Variants in AP5M1 observed in about 807,000 individuals in gnomAD.
AP5M1 encodes the protein adaptor related protein complex 5 subunit mu 1.
In AP5M1, 44 loss-of-function variants were observed where a neutral mutation model predicts 52.3. The ratio of observed to expected loss-of-function variants is 0.84; its 90% CI spans 0.66 to 1.08. The LOEUF is 1.08. AP5M1 is among the 50% of genes least tolerant of loss of function. The probability of loss-of-function intolerance (pLI) is 0.00; values close to 1 mark genes in which losing one functional copy is unlikely to be tolerated. For synonymous variants in AP5M1, 213 were observed against 199.0 expected (o/e 1.07, Z -0.59); for missense variants, 526 against 568.4 (o/e 0.93, Z 0.76).
Position 57,269,233 on chromosome 14 carries a change from G to A in AP5M1, c.-82G>A. 7.4e-6 allele frequency: 10 copies of A among 1,345,300 alleles called. No homozygotes were observed. Among genetic ancestry groups the A allele is most frequent in the East Asian group, 2.3e-5 (1 of 43,578 alleles). The allele number at this position is 1,345,300 out of a possible 1,614,324, so 83.3% of individuals were successfully genotyped here. Reference sequence around the variant, plus strand: ...ATGAGCCTCAGGGCTTCTGTTAAGAGTCTGTCTGAGAAAGCCGGTCTGCGC... The same window carrying A: ...ATGAGCCTCAGGGCTTCTGTTAAGAATCTGTCTGAGAAAGCCGGTCTGCGC... On this transcript the variant is annotated 5_prime_UTR_variant, in exon 1 of 8. Coordinates refer to ENST00000261558, the MANE Select transcript of AP5M1 (RefSeq NM_018229.4).
intron 2 of AP5M1, among the ~76,000 whole-genome samples, chr14:57,277,286 C>G (rs149515331): frequency 4.0e-4 from 61 of 152,224 alleles, no homozygotes; most frequent in Non-Finnish European, 6.2e-4. Flanking sequence ...CAGATAGATT[C>G]ATCGGCAGGT....
chr14:57,286,426 C>A, intron 7 of AP5M1, 107 bp downstream of exon 7: 1 of 749,738 alleles, frequency 1.3e-6, no homozygotes, highest in Non-Finnish European at 2.3e-6. Flanking sequence ...AGAGAATAAT[C>A]CCAATTTATA....
At chr14:57,288,627 A>G (rs1027110286) in intron 7 of AP5M1, among the ~76,000 whole-genome samples, 175 bp from the exon 8 acceptor site, 3 of 152,244 alleles carry the variant, frequency 2.0e-5, no homozygotes, top group Admixed American at 6.6e-5. Flanking sequence ...TAATGAGTCT[A>G]TATTTGTAAA....
chr14:57,286,906 C>G (rs1885321071), intron 7 of AP5M1, among the ~76,000 whole-genome samples: 1 of 151,604 alleles, frequency 6.6e-6, no homozygotes, highest in Non-Finnish European at 1.5e-5. Context: ...TCTATTCTAT[C>G]AATAGGAAGA....
intron 7 of AP5M1, 122 bp downstream of exon 7, chr14:57,286,441 T>C: frequency 1.5e-6 from 1 of 682,418 alleles, no homozygotes; most frequent in East Asian, 2.6e-5. Context: ...TTTATAAAAT[T>C]CTGGGCTGAT....
At chr14:57,279,993 G>T (rs1453559154) in intron 2 of AP5M1, among the ~76,000 whole-genome samples, 1 of 152,188 alleles carries the variant, frequency 6.6e-6, no homozygotes, top group Non-Finnish European at 1.5e-5. Context: ...ATAAGCAATG[G>T]AGTCTATGAG....
rs1484134870 is a variant in AP5M1, at chr14:57,290,565, A to G, written c.*1681A>G. Reference sequence around the variant, plus strand: ...TCTAGTGAGTAGGCAAAGATTTAATATAATAATCCCCTAGGCAAAAGTTTA... The same window carrying G: ...TCTAGTGAGTAGGCAAAGATTTAATGTAATAATCCCCTAGGCAAAAGTTTA... On this transcript the variant is annotated 3_prime_UTR_variant, in exon 8 of 8. Coordinates refer to ENST00000261558, the MANE Select transcript of AP5M1 (RefSeq NM_018229.4). The G allele has an allele frequency of 1.3e-5, 2 of 152,080 alleles. No homozygotes were observed. The highest frequency in any genetic ancestry group is 3.9e-4 in the East Asian group (2 of 5,180). The allele number at this position is 152,080 out of a possible 1,614,324, so 9.4% of individuals were successfully genotyped here. A position where few individuals can be genotyped will look rare whatever the true frequency, so the allele number is the denominator to read the frequency against.
At position 57,269,318 on chromosome 14, in the gene AP5M1, G is replaced by A. The variant is rs1297370561; in HGVS notation, c.4G>A (p.Ala2Thr). M[A>T]QRAVWLISHE... ...CTAATGCTTTACTGACTTAACCATG[G>A]CGCAGCGGGCAGTGTGGCTCATAAG... is the stretch of plus-strand genomic sequence containing the variant. The change falls in exon 1 of 8, where the codon GCG (alanine) becomes ACG (threonine). Residue 2 changes from alanine (A) to threonine (T), a missense_variant. This residue lies in a region of AP5M1 where 425 missense variants were observed against 430.6 expected (regional missense o/e 0.99). Transcript: ENST00000261558. 6.2e-7 allele frequency: 1 copy of A among 1,614,124 alleles called. No individual in the cohort carries two copies. The highest frequency in any genetic ancestry group is 8.5e-7 in the Non-Finnish European group (1 of 1,180,004).
chr14:57,286,749 G>A (rs897941073), intron 7 of AP5M1, among the ~76,000 whole-genome samples: 2 of 152,106 alleles, frequency 1.3e-5, no homozygotes, highest in African/African-American at 4.8e-5. Context: ...CCTCAGGATT[G>A]TTATGAGGTT....
In AP5M1 at chr14:57,276,802, A is replaced by T. The variant is rs187222013; in HGVS notation, c.720+1913A>T. 1.2e-3 allele frequency among the ~76,000 whole-genome samples: 190 copies of T among 152,264 alleles called. 1 individual carries two copies. Among genetic ancestry groups the T allele is most frequent in the South Asian group, 2.3e-3 (11 of 4,828 alleles). On this transcript the variant is annotated intron_variant, in intron 2 of 7. Coordinates refer to ENST00000261558, the MANE Select transcript of AP5M1 (RefSeq NM_018229.4). The stretch of plus-strand genomic sequence containing the variant: ...ATCATGATGGACAACTTCCTTATTT[A>T]AAAAATGTTTTTAAGTGGGGAGAAA...
chr14:57,280,081 ATACC>A, intron 2 of AP5M1, 110 bp from the exon 3 acceptor site: 1 of 776,416 alleles, frequency 1.3e-6, no homozygotes. Context: ...AAAGAGAACA[ATACC>A]TAGAGAAAAG....
In AP5M1 at chr14:57,274,745, A is replaced by G. The variant is rs35913271; in HGVS notation, c.576A>G (p.Pro192=). 1.7e-3 allele frequency: 2,721 copies of G among 1,614,234 alleles called. 42 individuals carry two copies. The African/African-American group carries it at 0.031, about 18-fold the overall frequency. ...DNTNFASVTQ[P]QKQPAWKTGT... ...CCAATTTTGCATCTGTGACTCAGCCACAGAAACAGCCAGCTTGGAAAACTG... is the reference window on the plus strand; with the variant it reads ...CCAATTTTGCATCTGTGACTCAGCCGCAGAAACAGCCAGCTTGGAAAACTG... The change falls in exon 2 of 8, where the codon CCA becomes CCG. Residue 192 remains proline (P), a synonymous_variant. Transcript: ENST00000261558.
chr14:57,276,153 A>G (rs1032647877), intron 2 of AP5M1, among the ~76,000 whole-genome samples: 3 of 152,130 alleles, frequency 2.0e-5, no homozygotes, highest in African/African-American at 7.2e-5. Flanking sequence ...TCAAAAATAT[A>G]CTCCAGTTAC....
chr14:57,280,545 T>G, intron 3 of AP5M1, 123 bp downstream of exon 3: 1 of 718,570 alleles, frequency 1.4e-6, no homozygotes, highest in Non-Finnish European at 2.3e-6. Flanking sequence ...AGACAATAAT[T>G]GATGATTGAA....
In AP5M1 at chr14:57,282,241, T is replaced by C. The variant is rs374079528; in HGVS notation, c.1088+13T>C. The C allele has an allele frequency of 1.9e-5, 29 of 1,501,626 alleles. No individual in the cohort carries two copies. The highest frequency in any genetic ancestry group is 2.6e-5 in the Non-Finnish European group (29 of 1,130,594). The allele number at this position is 1,501,626 out of a possible 1,614,324, so 93.0% of individuals were successfully genotyped here. A position where few individuals can be genotyped will look rare whatever the true frequency, so the allele number is the denominator to read the frequency against. On this transcript the variant is annotated intron_variant, in intron 4 of 7. Coordinates refer to ENST00000261558, the MANE Select transcript of AP5M1 (RefSeq NM_018229.4). ...CTTTTTACAATAGGTAGGAATAAAATGCATATTGCCATAATTTCTGTCTTC... is the reference window on the plus strand; with the variant it reads ...CTTTTTACAATAGGTAGGAATAAAACGCATATTGCCATAATTTCTGTCTTC...
Position 57,294,912 on chromosome 14 carries a change from T to A in AP5M1, c.*6028T>A, listed in dbSNP as rs972382348. 3.3e-5 allele frequency: 5 copies of A among 151,942 alleles called. No individual in the cohort carries two copies. Among genetic ancestry groups the A allele is most frequent in the Admixed American group, 1.3e-4 (2 of 15,220 alleles). 9.4% of individuals were successfully genotyped at this position (151,942 alleles called of 1,614,324 possible). On this transcript the variant is annotated 3_prime_UTR_variant, in exon 8 of 8. Coordinates refer to ENST00000261558, the MANE Select transcript of AP5M1 (RefSeq NM_018229.4). Reference sequence around the variant, plus strand: ...TTCTTGATCTTGTTGATGATGATTGTGTTCTAGCTCAAAAAACAGACCTTC... The same window carrying A: ...TTCTTGATCTTGTTGATGATGATTGAGTTCTAGCTCAAAAAACAGACCTTC...
rs150718668 is a variant in AP5M1, at chr14:57,274,561, G to T, written c.392G>T (p.Gly131Val). 2 of 1,614,130 alleles carry T rather than the reference G, an allele frequency of 1.2e-6. No homozygotes were observed. Among genetic ancestry groups the T allele is most frequent in the Non-Finnish European group, 1.7e-6 (2 of 1,180,026 alleles). ...PLISVSGVSQ[G>V]FEFLFGIQDF... is the part of the protein sequence containing the mutation. ...ATTAGTGTCAGTGGAGTTTCACAAG[G>T]CTTTGAATTTCTTTTTGGGATACAG... Residue 131 changes from glycine (G) to valine (V), a missense_variant, in exon 2 of 8, where the codon GGC becomes GTC. Transcript: ENST00000261558.
At chr14:57,281,562 C>T (rs1450532757) in intron 3 of AP5M1, among the ~76,000 whole-genome samples, 1 of 152,252 alleles carries the variant, frequency 6.6e-6, no homozygotes, top group East Asian at 1.9e-4. Flanking sequence ...AACTGGCTTT[C>T]TCTGCTTACA....
rs1885587522 is a variant in AP5M1, at chr14:57,298,007, G to C, written c.*9123G>C. ...CTGATCTTCAGACACACTGTGTAGT[G>C]CCTTGGCTTAAACTGTCAGACTGGC... On this transcript the variant is annotated 3_prime_UTR_variant, in exon 8 of 8. Coordinates refer to ENST00000261558, the MANE Select transcript of AP5M1 (RefSeq NM_018229.4). 1 of 152,112 alleles carries C rather than the reference G, an allele frequency of 6.6e-6. No individual in the cohort carries two copies. The highest frequency in any genetic ancestry group is 6.6e-5 in the Admixed American group (1 of 15,246). 9.4% of individuals were successfully genotyped at this position (152,112 alleles called of 1,614,324 possible).
Sources: gnomAD v4.1 joint callset for allele counts (sites outside exome capture counted in the v4.1 genomes callset) on GRCh38, gnomAD v4.1.1 for gene constraint, gnomAD v4.1.1 regional missense constraint, MANE v1.5 for transcripts, NCBI Gene and HGNC (gene_info 2026-07-23, HGNC 2026-07-21) for gene names.